The following PARD3B variants were observed in gnomAD, a reference collection of about 807,000 sequenced individuals.
The protein encoded by PARD3B is par-3 family cell polarity regulator beta.
A neutral mutation model predicts 130.2 loss-of-function variants in PARD3B; 103 were observed. The observed-to-expected ratio is 0.79, with a 90% CI of 0.67 to 0.93. The LOEUF (loss-of-function observed/expected upper bound fraction) is 0.93, where lower values mean the gene tolerates loss of function less well. Ranked by LOEUF, PARD3B falls within the 40% of genes least tolerant of loss-of-function variation. The pLI is 0.00. For synonymous variants in PARD3B, 583 were observed against 553.2 expected (o/e 1.05, Z -0.76); for missense variants, 1,609 against 1,499.2 (o/e 1.07, Z -1.21).
At chr2:204,847,421 T>C (rs2044509189) in intron 2 of PARD3B, among the ~76,000 whole-genome samples, 1 of 152,276 alleles carries the variant, frequency 6.6e-6, no homozygotes, top group South Asian at 2.1e-4. Flanking sequence ...ATTAATAAGG[T>C]CTTAAATAGT....
chr2:205,461,477 A>G lies in PARD3B; in HGVS notation c.3044+20805A>G, dbSNP rs182405953. 1.7e-3 allele frequency among the ~76,000 whole-genome samples: 257 copies of G among 152,296 alleles called. 1 individual carries two copies. Among genetic ancestry groups the G allele is most frequent in the Non-Finnish European group, 2.2e-3 (153 of 68,022 alleles). On this transcript the variant is annotated intron_variant, in intron 20 of 22. Coordinates refer to ENST00000406610, the MANE Select transcript of PARD3B (RefSeq NM_001302769.2). The surrounding 1 kb of genome is among the most constrained non-coding windows in gnomAD (Gnocchi z 4.3). ...TGCCATGTAGAAAAGGTCCCCTATT[A>G]TTTCAGCACCACATTTCAGCTTACC...
intron 1 of PARD3B, among the ~76,000 whole-genome samples, chr2:204,636,121 A>G (rs1305925483): frequency 6.6e-6 from 1 of 152,114 alleles, no homozygotes; most frequent in Non-Finnish European, 1.5e-5. Context: ...TTATGATGTT[A>G]TAGGTATAGA....
intron 2 of PARD3B, among the ~76,000 whole-genome samples, chr2:204,858,073 T>G (rs13426810): frequency 0.04 from 6,027 of 152,258 alleles, 192 homozygotes; most frequent in African/African-American, 0.085. Flanking sequence ...GATACAATAG[T>G]GTATCCATAA....
At chr2:205,511,517 A>C (rs890055344) in intron 21 of PARD3B, among the ~76,000 whole-genome samples, 8 of 152,234 alleles carry the variant, frequency 5.3e-5, no homozygotes, top group Middle Eastern at 3.2e-3. Flanking sequence ...CAACTTCTAC[A>C]ATAATAACAT....
intron 2 of PARD3B, among the ~76,000 whole-genome samples, chr2:204,851,996 A>C (rs1050391902): frequency 2.6e-5 from 4 of 152,184 alleles, no homozygotes; most frequent in African/African-American, 9.7e-5. Flanking sequence ...CCCAGCTGAC[A>C]ATCTTTTTTC....
At chr2:204,618,839 C>T (rs1220935263) in intron 1 of PARD3B, among the ~76,000 whole-genome samples, 1 of 152,084 alleles carries the variant, frequency 6.6e-6, no homozygotes, top group Non-Finnish European at 1.5e-5. Context: ...TGTTTAATTC[C>T]TACACTTGGC....
At position 205,461,551 on chromosome 2, in the gene PARD3B, C is replaced by T. The variant is rs1250560532; in HGVS notation, c.3044+20879C>T. ...ACATGCACCCTCTACCTCCCAGAGA[C>T]CTAACCTATTTCCCTATCACTTATT... On this transcript the variant is annotated intron_variant, in intron 20 of 22. Transcript: ENST00000406610. This position sits in a 1 kb window ranked among gnomAD's most constrained non-coding sequence, Gnocchi z 4.3. 6.6e-6 allele frequency among the ~76,000 whole-genome samples: 1 copy of T among 152,188 alleles called. No homozygotes were observed. Among genetic ancestry groups the T allele is most frequent in the Non-Finnish European group, 1.5e-5 (1 of 68,028 alleles).
chr2:204,963,156 A>C lies in PARD3B; in HGVS notation c.223-1996A>C, dbSNP rs548351357. Among the ~76,000 whole-genome samples the C allele has an allele frequency of 4.0e-5, 6 of 151,610 alleles. No homozygotes were observed. The East Asian group carries it at 1.2e-3, about 29-fold the overall frequency. ...AGACTAGATTCCACTACCAGCTACC[A>C]TTTAGTCAGTGACCTTGGGAAACAA... On this transcript the variant is annotated intron_variant, in intron 2 of 22. Coordinates refer to ENST00000406610, the MANE Select transcript of PARD3B (RefSeq NM_001302769.2).
At chr2:204,711,447 ATAGG>A (rs1159459009) in intron 2 of PARD3B, among the ~76,000 whole-genome samples, 6 of 152,208 alleles carry the variant, frequency 3.9e-5, no homozygotes, top group Non-Finnish European at 4.4e-5. Flanking sequence ...ACAGCTACTA[ATAGG>A]TAGGTAATAG....
At chr2:205,547,836 G>A (rs2052443556) in intron 21 of PARD3B, among the ~76,000 whole-genome samples, 1 of 152,090 alleles carries the variant, frequency 6.6e-6, no homozygotes, top group Non-Finnish European at 1.5e-5. Flanking sequence ...CAAATGTTAT[G>A]GCCTAACTTA....
intron 3 of PARD3B, among the ~76,000 whole-genome samples, chr2:205,014,396 A>G (rs10195879): frequency 0.019 from 2,902 of 152,230 alleles, 47 homozygotes; most frequent in African/African-American, 0.045. Context: ...TTTCTTATCT[A>G]TAGTTCCCAG....
intron 19 of PARD3B, among the ~76,000 whole-genome samples, chr2:205,408,291 G>A (rs906334892): frequency 1.3e-5 from 2 of 152,224 alleles, no homozygotes; most frequent in Non-Finnish European, 2.9e-5. Flanking sequence ...CCACATAAAC[G>A]AAATGCATCT....
At chr2:205,165,768 AAT>A (rs2034776806) in intron 11 of PARD3B, among the ~76,000 whole-genome samples, 3 of 139,012 alleles carry the variant, frequency 2.2e-5, no homozygotes, top group Admixed American at 7.2e-5. Flanking sequence ...TAAATAAATA[AAT>A]AAAAGCTTCA....
At chr2:205,212,168 GTTAATATAAACAGTA>G (rs1285421110) in intron 15 of PARD3B, among the ~76,000 whole-genome samples, 2 of 149,362 alleles carry the variant, frequency 1.3e-5, no homozygotes, top group Non-Finnish European at 3.0e-5. Flanking sequence ...GAATATATTT[GTTAATATAAACAGTA>G]TTCACAAAAA....
At chr2:204,830,406 T>G (rs1002774619) in intron 2 of PARD3B, among the ~76,000 whole-genome samples, 1 of 152,200 alleles carries the variant, frequency 6.6e-6, no homozygotes, top group African/African-American at 2.4e-5. Context: ...ATTCTAAAAT[T>G]ATTTGTGCTA....
intron 2 of PARD3B, among the ~76,000 whole-genome samples, chr2:204,765,132 A>T (rs983279854): frequency 6.6e-6 from 1 of 152,186 alleles, no homozygotes; most frequent in African/African-American, 2.4e-5. Context: ...AGCTGGCTTG[A>T]CTGCAGGATA....
At chr2:204,586,939 C>T (rs2032852643) in intron 1 of PARD3B, among the ~76,000 whole-genome samples, 1 of 152,152 alleles carries the variant, frequency 6.6e-6, no homozygotes, top group African/African-American at 2.4e-5. Flanking sequence ...CTATTCCTCT[C>T]AGAAACATTG....
chr2:204,888,432 G>T (rs1422565209), intron 2 of PARD3B, among the ~76,000 whole-genome samples: 1 of 151,976 alleles, frequency 6.6e-6, no homozygotes, highest in East Asian at 1.9e-4. Context: ...ACATCAAATG[G>T]GACATAAATG....
At position 205,187,178 on chromosome 2, in the gene PARD3B, A is replaced by G. The variant is rs2125790549; in HGVS notation, c.2024+1315A>G. On this transcript the variant is annotated intron_variant, in intron 14 of 22. Coordinates refer to ENST00000406610, the MANE Select transcript of PARD3B (RefSeq NM_001302769.2). The surrounding 1 kb of genome is among the most constrained non-coding windows in gnomAD (Gnocchi z 4.9). ...AATACTATGGTAAAAGTGTCATTTG[A>G]GCTGAACCCTAACTCATGAATAGCA... is the stretch of plus-strand genomic sequence containing the variant. 6.6e-6 allele frequency among the ~76,000 whole-genome samples: 1 copy of G among 152,342 alleles called. No individual in the cohort carries two copies.
Sources: gnomAD v4.1 joint callset for allele counts (sites outside exome capture counted in the v4.1 genomes callset) on GRCh38, gnomAD v4.1.1 for gene constraint, Gnocchi (gnomAD v3.1) non-coding constraint, MANE v1.5 for transcripts, NCBI Gene and HGNC (gene_info 2026-07-23, HGNC 2026-07-21) for gene names.